Variants in SPSB1 observed in about 807,000 individuals in gnomAD.
The protein encoded by SPSB1 is SPRY domain-containing SOCS box protein 1.
In SPSB1, 8 loss-of-function variants were observed where a neutral mutation model predicts 21.2. The ratio of observed to expected loss-of-function variants is 0.38; its 90% CI spans 0.22 to 0.68. SPSB1 has a LOEUF of 0.68. SPSB1 is among the 30% of genes least tolerant of loss of function. The pLI is 0.53. For missense variants in SPSB1, 242 were observed against 377.8 expected, an observed-to-expected ratio of 0.64 and a Z score of 2.98; for synonymous variants, 169 against 161.7, an observed-to-expected ratio of 1.05 and a Z score of -0.34.
chr1:9,358,209 T>C (rs927863233), intron 2 of SPSB1, among the ~76,000 whole-genome samples: 2 of 152,184 alleles, frequency 1.3e-5, no homozygotes, highest in African/African-American at 4.8e-5. Flanking sequence ...TACACATTTC[T>C]CTTTGGAAGC....
chr1:9,362,863 A>T (rs894797444), intron 2 of SPSB1, among the ~76,000 whole-genome samples: 2 of 152,246 alleles, frequency 1.3e-5, no homozygotes, highest in Admixed American at 1.3e-4. Context: ...CTGCTCATTC[A>T]GCATTGCACT....
At chr1:9,334,900 A>G (rs998902682) in intron 1 of SPSB1, among the ~76,000 whole-genome samples, 1 of 152,208 alleles carries the variant, frequency 6.6e-6, no homozygotes, top group African/African-American at 2.4e-5. Context: ...GCTGAGTAAT[A>G]TTTCATCGTG....
chr1:9,347,994 G>A (rs1640191986), intron 1 of SPSB1, among the ~76,000 whole-genome samples: 1 of 146,430 alleles, frequency 6.8e-6, no homozygotes, highest in African/African-American at 2.5e-5. Flanking sequence ...GCCCAGGTTC[G>A]AGTGCAGTGG....
At chr1:9,295,207 T>C (rs564660593) in intron 1 of SPSB1, among the ~76,000 whole-genome samples, 4 of 92,406 alleles carry the variant, frequency 4.3e-5, no homozygotes, top group African/African-American at 1.9e-4. Context: ...TGTGTGTGTG[T>C]GAGAGTGTGA....
chr1:9,326,032 G>T (rs544858166), intron 1 of SPSB1, among the ~76,000 whole-genome samples: 54 of 152,194 alleles, frequency 3.5e-4, no homozygotes, highest in Middle Eastern at 3.4e-3. Context: ...TGGGCTCCAT[G>T]AGGTCAGAGT....
rs935328718 is a variant in SPSB1 at position 9,293,332 on chromosome 1, G to T, written c.-150+261G>T. 1.3e-5 allele frequency among the ~76,000 whole-genome samples: 2 copies of T among 150,032 alleles called. No homozygotes were observed. Among genetic ancestry groups the T allele is most frequent in the African/African-American group, 4.9e-5 (2 of 40,988 alleles). The stretch of plus-strand genomic sequence containing the variant: ...AGGCCCGCCCCGCGCTGCCGCCGCT[G>T]CAGGGCAGGGGGTCCCGGGGCGAGG... On this transcript the variant is annotated intron_variant, in intron 1 of 2. Coordinates refer to ENST00000328089, the MANE Select transcript of SPSB1 (RefSeq NM_025106.4). This position sits in a 1 kb window ranked among gnomAD's most constrained non-coding sequence, Gnocchi z 5.1.
intron 1 of SPSB1, among the ~76,000 whole-genome samples, chr1:9,303,727 C>T (rs758646851): frequency 2.6e-5 from 4 of 152,108 alleles, no homozygotes; most frequent in Non-Finnish European, 5.9e-5. Flanking sequence ...GGAACTATGA[C>T]CTTGATACTG....
At position 9,367,329 on chromosome 1, in the gene SPSB1, A is replaced by G. The variant is rs1030485835; in HGVS notation, c.695-119A>G. 3.9e-6 allele frequency: 6 copies of G among 1,541,348 alleles called. No individual in the cohort carries two copies. The African/African-American group carries it at 8.2e-5, about 21-fold the overall frequency. ...AAAATGAAAAAGCATTGCATTTTTCATTGTTTCTTTACTGATTTGAGTGAA... is the reference window on the plus strand; with the variant it reads ...AAAATGAAAAAGCATTGCATTTTTCGTTGTTTCTTTACTGATTTGAGTGAA... On this transcript the variant is annotated intron_variant, in intron 2 of 2. Transcript: ENST00000328089. This position sits in a 1 kb window ranked among gnomAD's most constrained non-coding sequence, Gnocchi z 5.9.
intron 1 of SPSB1, chr1:9,339,310 A>T: frequency 3.0e-6 from 3 of 985,062 alleles, no homozygotes; most frequent in Non-Finnish European, 3.6e-6. Flanking sequence ...GGCCAGCCAC[A>T]TGTGGGTGGT....
intron 1 of SPSB1, among the ~76,000 whole-genome samples, chr1:9,340,282 TG>T (rs956061150): frequency 1.3e-5 from 2 of 150,778 alleles, no homozygotes; most frequent in Admixed American, 6.6e-5. Context: ...AGGAGGGGCC[TG>T]GGGGGGAAGG....
chr1:9,333,073 G>A (rs1639948609), intron 1 of SPSB1, among the ~76,000 whole-genome samples: 1 of 152,194 alleles, frequency 6.6e-6, no homozygotes, highest in Admixed American at 6.5e-5. Flanking sequence ...CAAACCCCCA[G>A]GGTCCAAGAA....
chr1:9,309,451 G>T (rs1639481438), intron 1 of SPSB1, among the ~76,000 whole-genome samples: 1 of 151,956 alleles, frequency 6.6e-6, no homozygotes. Context: ...CTGAGTAGCG[G>T]GAATTATAGG....
At chr1:9,365,146 C>A (rs895484864) in intron 2 of SPSB1, among the ~76,000 whole-genome samples, 1 of 151,278 alleles carries the variant, frequency 6.6e-6, no homozygotes, top group East Asian at 1.9e-4. Flanking sequence ...CGTGAGCCAC[C>A]ACACCTGGCC....
chr1:9,334,505 G>A (rs1270126431), intron 1 of SPSB1, among the ~76,000 whole-genome samples: 7 of 152,226 alleles, frequency 4.6e-5, no homozygotes, highest in African/African-American at 1.7e-4. Flanking sequence ...ACAGGCGTGA[G>A]CCACCGTGCC....
chr1:9,306,311 A>G (rs534197037), intron 1 of SPSB1, among the ~76,000 whole-genome samples: 31 of 152,268 alleles, frequency 2.0e-4, no homozygotes, highest in African/African-American at 7.5e-4. Context: ...CACGGAGAGC[A>G]TTTGGAGCAC....
chr1:9,322,954 A>G (rs932991914), intron 1 of SPSB1, among the ~76,000 whole-genome samples: 3 of 151,728 alleles, frequency 2.0e-5, no homozygotes, highest in Admixed American at 1.3e-4. Flanking sequence ...AGGTTCCTGA[A>G]TGGGCCTTGG....
chr1:9,306,214 C>G (rs1639408057), intron 1 of SPSB1, among the ~76,000 whole-genome samples: 1 of 152,364 alleles, frequency 6.6e-6, no homozygotes. Context: ...TGCCTTCATC[C>G]TTTCGGGTGT....
intron 2 of SPSB1, among the ~76,000 whole-genome samples, chr1:9,361,425 G>A (rs1640475979): frequency 1.3e-5 from 2 of 151,968 alleles, no homozygotes; most frequent in Non-Finnish European, 2.9e-5. Context: ...CCCTGGATTC[G>A]ACTTCCACGA....
chr1:9,304,704 G>A (rs1639384854), intron 1 of SPSB1, among the ~76,000 whole-genome samples: 2 of 152,218 alleles, frequency 1.3e-5, no homozygotes, highest in Admixed American at 6.5e-5. Context: ...CCATGGAGGT[G>A]CTTTGAACCT....
Sources: allele counts gnomAD v4.1 joint callset (sites outside exome capture counted in the v4.1 genomes callset), GRCh38; gene constraint gnomAD v4.1.1; non-coding constraint Gnocchi (gnomAD v3.1); transcripts MANE v1.5; gene names NCBI Gene and HGNC (gene_info 2026-07-23, HGNC 2026-07-21).